CAMK4: variants seen among roughly 807,000 people sequenced by gnomAD.
The protein encoded by CAMK4 is calcium/calmodulin-dependent protein kinase type IV.
A neutral mutation model predicts 44.9 loss-of-function variants in CAMK4; 22 were observed. The ratio of observed to expected loss-of-function variants is 0.49; its 90% confidence interval spans 0.35 to 0.70. The LOEUF is 0.70. Among genes scored for constraint, CAMK4 ranks in the 30% least tolerant of loss-of-function variants. The pLI is 0.01. For synonymous variants in CAMK4, 218 were observed against 215.4 expected, an observed-to-expected ratio of 1.01 and a Z score of -0.11; for missense variants, 498 against 586.8, an observed-to-expected ratio of 0.85 and a Z score of 1.56.
At chr5:111,439,350 G>A (rs1239003834) in intron 5 of CAMK4, among the ~76,000 whole-genome samples, 1 of 152,172 alleles carries the variant, frequency 6.6e-6, no homozygotes, top group Non-Finnish European at 1.5e-5. Flanking sequence ...GGGAAAGCAT[G>A]CTAGTGGCCT....
At chr5:111,348,771 T>C (rs1482942701) in intron 2 of CAMK4, among the ~76,000 whole-genome samples, 3 of 152,042 alleles carry the variant, frequency 2.0e-5, no homozygotes, top group African/African-American at 7.2e-5. Context: ...AGCTTTCTCA[T>C]AATGAGAAGT....
intron 1 of CAMK4, among the ~76,000 whole-genome samples, chr5:111,336,442 C>G (rs1423636677): frequency 6.7e-6 from 1 of 150,234 alleles, no homozygotes; most frequent in Admixed American, 6.7e-5. Context: ...TATTTACACA[C>G]TTAAGTCAAC....
intron 1 of CAMK4, among the ~76,000 whole-genome samples, chr5:111,291,859 C>T (rs946720120): frequency 1.3e-5 from 2 of 152,082 alleles, no homozygotes; most frequent in Admixed American, 1.3e-4. Flanking sequence ...AGTTTCTTTT[C>T]CTTATGTACC....
intron 1 of CAMK4, among the ~76,000 whole-genome samples, chr5:111,267,940 G>T (rs1292696654): frequency 6.6e-6 from 1 of 152,140 alleles, no homozygotes; most frequent in East Asian, 1.9e-4. Context: ...GGTAGCAAAC[G>T]GTACTGATTA....
At chr5:111,443,857 A>G (rs993299316) in intron 5 of CAMK4, among the ~76,000 whole-genome samples, 1 of 152,202 alleles carries the variant, frequency 6.6e-6, no homozygotes, top group Non-Finnish European at 1.5e-5. Flanking sequence ...GTCCCAAACT[A>G]TGCAATTCTT....
intron 2 of CAMK4, among the ~76,000 whole-genome samples, chr5:111,368,934 A>G (rs927181758): frequency 2.6e-5 from 4 of 151,688 alleles, no homozygotes; most frequent in African/African-American, 9.7e-5. Context: ...AATTATTTTT[A>G]CTAGAATTTT....
intron 4 of CAMK4, among the ~76,000 whole-genome samples, chr5:111,385,667 G>A (rs572135798): frequency 2.0e-5 from 3 of 152,122 alleles, no homozygotes; most frequent in East Asian, 1.9e-4. Flanking sequence ...TCCACCTCCC[G>A]GGTTCACTCC....
intron 1 of CAMK4, among the ~76,000 whole-genome samples, chr5:111,260,558 C>T (rs1220863208): frequency 6.6e-6 from 1 of 152,176 alleles, no homozygotes; most frequent in Non-Finnish European, 1.5e-5. Flanking sequence ...TATGCATCTG[C>T]AGTCCCTAGC....
chr5:111,398,903 T>G (rs1319568263), intron 5 of CAMK4, among the ~76,000 whole-genome samples: 1 of 152,142 alleles, frequency 6.6e-6, no homozygotes, highest in Admixed American at 6.5e-5. Context: ...AACCCAAATT[T>G]GACAATTTTT....
In CAMK4 at chr5:111,336,481, AT is replaced by A. The variant is rs1004418641; in HGVS notation, c.162-7536del. Among the ~76,000 whole-genome samples the A allele has an allele frequency of 1.3e-3, 52 of 39,856 alleles. No homozygotes were observed. The East Asian group carries it at 0.029, about 22-fold the overall frequency. 26.1% of individuals were successfully genotyped at this position (39,856 alleles called of 152,430 possible). A position where few individuals can be genotyped will look rare whatever the true frequency, so the allele number is the denominator to read the frequency against. Reference sequence around the variant, plus strand: ...TTAATTTCAATTAATAATATAGGTTATTTTTTTGAGAAACTGTTGAATTGTT... The same window carrying A: ...TTAATTTCAATTAATAATATAGGTTATTTTTTGAGAAACTGTTGAATTGTT... On this transcript the variant is annotated intron_variant, in intron 1 of 10. Transcript: ENST00000282356.
chr5:111,254,140 T>G (rs1749636929), intron 1 of CAMK4, among the ~76,000 whole-genome samples: 1 of 152,242 alleles, frequency 6.6e-6, no homozygotes, highest in South Asian at 2.1e-4. Context: ...GTGACTCAAA[T>G]TTTACTCTTA....
intron 7 of CAMK4, among the ~76,000 whole-genome samples, chr5:111,473,065 T>C (rs1755117894): frequency 6.6e-6 from 1 of 152,040 alleles, no homozygotes; most frequent in Non-Finnish European, 1.5e-5. Context: ...AGTATCATGA[T>C]ATTCTGACAT....
intron 7 of CAMK4, among the ~76,000 whole-genome samples, chr5:111,469,175 ATATATATATAT>A (rs1754973268): frequency 1.1e-4 from 3 of 28,488 alleles, no homozygotes; most frequent in East Asian, 6.8e-4. Context: ...AAAAAAAAAT[ATATATATATAT>A]ATATATATAT....
In CAMK4 at chr5:111,485,442, T is replaced by A. The variant is rs1336109161; in HGVS notation, c.*976T>A. The A allele has an allele frequency of 6.6e-6, 1 of 152,280 alleles. No homozygotes were observed. Among genetic ancestry groups the A allele is most frequent in the Non-Finnish European group, 1.5e-5 (1 of 67,992 alleles). The allele number at this position is 152,280 out of a possible 1,614,324, so 9.4% of individuals were successfully genotyped here. On this transcript the variant is annotated 3_prime_UTR_variant, in exon 11 of 11. Transcript: ENST00000282356. ...TTTCACAGGTTAGTGCCAAAATGTC[T>A]TCATAGAGTAGGAATAATATTCCAT...
At chr5:111,255,839 A>C (rs1749717715) in intron 1 of CAMK4, among the ~76,000 whole-genome samples, 1 of 152,164 alleles carries the variant, frequency 6.6e-6, no homozygotes, top group Non-Finnish European at 1.5e-5. Flanking sequence ...ATACCGCTTA[A>C]AATGCCAACT....
At chr5:111,323,494 C>T (rs1158945909) in intron 1 of CAMK4, among the ~76,000 whole-genome samples, 1 of 151,650 alleles carries the variant, frequency 6.6e-6, no homozygotes, top group African/African-American at 2.4e-5. Context: ...TTTATTGGGA[C>T]CCTGTAAGTC....
At chr5:111,483,174 T>C (rs1755490920) in intron 10 of CAMK4, among the ~76,000 whole-genome samples, 1 of 152,196 alleles carries the variant, frequency 6.6e-6, no homozygotes, top group Admixed American at 6.5e-5. Flanking sequence ...TAAGTTGATA[T>C]TTACATATCA....
intron 1 of CAMK4, among the ~76,000 whole-genome samples, chr5:111,274,681 A>G (rs564151083): frequency 3.7e-4 from 57 of 152,306 alleles, no homozygotes; most frequent in African/African-American, 1.3e-3. Context: ...AAGAGGTTAT[A>G]CCAATTTATT....
At chr5:111,475,139 G>A (rs1379265500) in intron 8 of CAMK4, among the ~76,000 whole-genome samples, 2 of 152,018 alleles carry the variant, frequency 1.3e-5, no homozygotes, top group Non-Finnish European at 2.9e-5. Context: ...CTCCAGCCTG[G>A]GTGATAGAAC....
Sources: allele counts gnomAD v4.1 joint callset (sites outside exome capture counted in the v4.1 genomes callset), GRCh38; gene constraint gnomAD v4.1.1; transcripts MANE v1.5; gene names NCBI Gene and HGNC (gene_info 2026-07-23, HGNC 2026-07-21).